The following NRDE2 variants were observed in gnomAD, a reference collection of about 807,000 sequenced individuals.
NRDE2 encodes NRDE-2, necessary for RNA interference, domain containing, also known as nuclear exosome regulator NRDE2.
In NRDE2, 76 loss-of-function variants were observed where a neutral mutation model predicts 124.2. The observed-to-expected ratio is 0.61, with a 90% CI of 0.51 to 0.74. The LOEUF is 0.74. NRDE2 is among the 30% of genes least tolerant of loss of function. NRDE2 has a pLI of 0.00. For missense variants in NRDE2, 1,314 were observed against 1,417.3 expected (o/e 0.93, Z 1.17); for synonymous variants, 489 against 528.1 (o/e 0.93, Z 1.01).
intron 3 of NRDE2, among the ~76,000 whole-genome samples, chr14:90,313,657 A>G (rs1427931032): frequency 1.3e-5 from 2 of 152,146 alleles, no homozygotes; most frequent in Admixed American, 6.6e-5. Flanking sequence ...TTCTTCCTCT[A>G]AAGAAAATCA....
Position 90,273,837 on chromosome 14 carries a change from A to AT in NRDE2, c.*4498dup, listed in dbSNP as rs889196777. Reference sequence around the variant, plus strand: ...CCTCCCTCCTGACTCGTGGCACTTCATTTTCCACCAGCAGCAGCAGGCCCA... The same window carrying AT: ...CCTCCCTCCTGACTCGTGGCACTTCATTTTTCCACCAGCAGCAGCAGGCCCA... On this transcript the variant is annotated 3_prime_UTR_variant, in exon 14 of 14. Transcript: ENST00000354366. The AT allele has an allele frequency of 1.9e-5, 3 of 154,730 alleles. No homozygotes were observed. The highest frequency in any genetic ancestry group is 5.1e-4 in the Middle Eastern group (1 of 1,948). 9.6% of individuals were successfully genotyped at this position (154,730 alleles called of 1,614,324 possible). A position where few individuals can be genotyped will look rare whatever the true frequency, so the allele number is the denominator to read the frequency against.
chr14:90,279,296 AG>A (rs1268267385), intron 12 of NRDE2, 163 bp from the exon 13 acceptor site: 23 of 619,900 alleles, frequency 3.7e-5, no homozygotes, highest in South Asian at 3.4e-4. Context: ...GGCAGGTGCC[AG>A]GGAGCACTCT....
At position 90,298,281 on chromosome 14, in the gene NRDE2, C is replaced by G; in HGVS notation, c.1645G>C (p.Gly549Arg). 6.2e-7 allele frequency: 1 copy of G among 1,613,622 alleles called. No homozygotes were observed. Among genetic ancestry groups the G allele is most frequent in the Non-Finnish European group, 8.5e-7 (1 of 1,179,954 alleles). ...TTACCTGGGTTGATGACCACCCAGC[C>G]ACCTCGTTCCTGCTGGTGCATCCAC... ...KAWMHQQERGGWVVINPDEDD... is the reference protein window; with the variant it reads ...KAWMHQQERGRWVVINPDEDD... Residue 549 changes from glycine (G) to arginine (R), a missense_variant, in exon 8 of 14, where the codon GGC (glycine) becomes CGC (arginine). By Grantham distance (125) the Gly-to-Arg change is moderately radical. Transcript: ENST00000354366.
rs116980182 is a variant in NRDE2 at position 90,286,410 on chromosome 14, G to A, written c.3241C>T (p.Arg1081Cys). The A allele has an allele frequency of 0.039, 63,035 of 1,614,042 alleles. 1,499 individuals are homozygous for A. The highest frequency in any genetic ancestry group is 0.044 in the Non-Finnish European group (52,107 of 1,179,956). ...GGGCACTGGCTGCCACTGTCGCTGCGCATGGCATTTTCAAACAGGGCTTGG... is the reference window on the plus strand; with the variant it reads ...GGGCACTGGCTGCCACTGTCGCTGCACATGGCATTTTCAAACAGGGCTTGG... ...RIQALFENAM[R>C]SDSGSQCPLL... Residue 1081 changes from arginine (R) to cysteine (C), a missense_variant, in exon 12 of 14, where the codon CGC (arginine) becomes TGC (cysteine). Transcript: ENST00000354366.
intron 9 of NRDE2, among the ~76,000 whole-genome samples, chr14:90,290,846 A>ATTTC (rs1354687213): frequency 6.8e-6 from 1 of 148,134 alleles, no homozygotes; most frequent in African/African-American, 2.5e-5. Flanking sequence ...CACATGGGAA[A>ATTTC]GCCTGAGGAG....
Position 90,302,896 on chromosome 14 carries a change from G to A in NRDE2, c.1235C>T (p.Pro412Leu). ...TTTCTGCCAAAGGGCTGTATTATTG[G>A]GATGCAAAAATATCAGTTTCTGCCA... ...KEWQKLIFLH[P>L]NNTALWQKYL... The change falls in exon 6 of 14, where the codon CCC becomes CTC. Residue 412 changes from proline (P) to leucine (L), a missense_variant. Transcript: ENST00000354366. The A allele has an allele frequency of 6.2e-7, 1 of 1,614,042 alleles. No homozygotes were observed. Among genetic ancestry groups the A allele is most frequent in the South Asian group, 1.1e-5 (1 of 91,072 alleles).
chr14:90,306,891 T>C (rs904278217), intron 4 of NRDE2, among the ~76,000 whole-genome samples: 2 of 152,186 alleles, frequency 1.3e-5, no homozygotes, highest in Non-Finnish European at 2.9e-5. Context: ...AAAAAGCTAG[T>C]TTTGTTCTCC....
rs568184882 is a variant in NRDE2 at position 90,310,458 on chromosome 14, G to A, written c.557+1936C>T. Among the ~76,000 whole-genome samples, 543 of 151,490 alleles carry A rather than the reference G, an allele frequency of 3.6e-3. 5 individuals carry two copies. Among genetic ancestry groups the A allele is most frequent in the Non-Finnish European group, 5.2e-3 (355 of 67,980 alleles). On this transcript the variant is annotated intron_variant, in intron 4 of 13. Coordinates refer to ENST00000354366, the MANE Select transcript of NRDE2 (RefSeq NM_017970.4). ...GTGAGGATCAGACAGGCTAACTTAA[G>A]TGAAATAACGCACACAGCACCACAG...
chr14:90,315,325 C>T (rs1342741873), intron 3 of NRDE2, among the ~76,000 whole-genome samples: 1 of 151,288 alleles, frequency 6.6e-6, no homozygotes, highest in Non-Finnish European at 1.5e-5. Context: ...GAGGCAAGAT[C>T]GTACCACTGC....
At chr14:90,300,932 ACAGG>A (rs1177031981) in intron 7 of NRDE2, among the ~76,000 whole-genome samples, 69 of 125,388 alleles carry the variant, frequency 5.5e-4, no homozygotes, top group Non-Finnish European at 6.3e-4. Flanking sequence ...AAGGAGGAAC[ACAGG>A]CAGGCAGGCA....
At chr14:90,291,624 T>A (rs1892273390) in intron 9 of NRDE2, among the ~76,000 whole-genome samples, 1 of 152,074 alleles carries the variant, frequency 6.6e-6, no homozygotes, top group Non-Finnish European at 1.5e-5. Context: ...GCCTCCCAGG[T>A]AAGTACCCTC....
chr14:90,284,234 T>C (rs1203955795), intron 12 of NRDE2, among the ~76,000 whole-genome samples: 1 of 152,148 alleles, frequency 6.6e-6, no homozygotes, highest in Admixed American at 6.5e-5. Flanking sequence ...TCTGTATCTC[T>C]TTACACTCCA....
intron 5 of NRDE2, 40 bp downstream of exon 5, chr14:90,303,895 T>A: frequency 6.5e-7 from 1 of 1,534,014 alleles, no homozygotes; most frequent in Non-Finnish European, 8.8e-7. Context: ...AAATCAGGAA[T>A]GTCCTTCTAA....
At chr14:90,284,963 T>A (rs1892059350) in intron 12 of NRDE2, among the ~76,000 whole-genome samples, 2 of 152,100 alleles carry the variant, frequency 1.3e-5, no homozygotes, top group Non-Finnish European at 2.9e-5. Context: ...TACTTTTAAA[T>A]GAACACAAAG....
Position 90,269,131 on chromosome 14 carries a change from C to T in NRDE2, c.*9205G>A. The T allele has an allele frequency of 4.9e-6, 2 of 411,136 alleles. No homozygotes were observed. The highest frequency in any genetic ancestry group is 7.3e-5 in the South Asian group (2 of 27,294). 25.5% of individuals were successfully genotyped at this position (411,136 alleles called of 1,614,324 possible). A position where few individuals can be genotyped will look rare whatever the true frequency, so the allele number is the denominator to read the frequency against. On this transcript the variant is annotated 3_prime_UTR_variant, in exon 14 of 14. Coordinates refer to ENST00000354366, the MANE Select transcript of NRDE2 (RefSeq NM_017970.4). The stretch of plus-strand genomic sequence containing the variant: ...GAACTCATGCTGTATAAGGCTCTGC[C>T]TCATGCCTTTAGCCCTTTCCAAAAG...
intron 1 of NRDE2, among the ~76,000 whole-genome samples, chr14:90,324,720 T>G (rs2139715953): frequency 6.6e-6 from 1 of 151,594 alleles, no homozygotes; most frequent in Admixed American, 6.6e-5. Flanking sequence ...CTAAATTGTG[T>G]GAGTTCAAAT....
chr14:90,314,442 T>C (rs1417380258), intron 3 of NRDE2, among the ~76,000 whole-genome samples: 1 of 152,184 alleles, frequency 6.6e-6, no homozygotes, highest in Non-Finnish European at 1.5e-5. Context: ...TTCTATAAAA[T>C]ATCAATAAAC....
intron 1 of NRDE2, among the ~76,000 whole-genome samples, chr14:90,320,619 A>G (rs945463467): frequency 6.6e-6 from 1 of 152,226 alleles, no homozygotes; most frequent in Non-Finnish European, 1.5e-5. Flanking sequence ...ACTGGCTTAT[A>G]GTAAGTGTTC....
intron 3 of NRDE2, 39 bp from the exon 4 acceptor site, chr14:90,312,582 T>C (rs375525598): frequency 2.0e-4 from 315 of 1,609,786 alleles, no homozygotes; most frequent in Non-Finnish European, 2.4e-4. Context: ...AGAGGCACTT[T>C]AAAAAATCTT....
Sources: allele counts gnomAD v4.1 joint callset (sites outside exome capture counted in the v4.1 genomes callset), GRCh38; gene constraint gnomAD v4.1.1; transcripts MANE v1.5; gene names NCBI Gene and HGNC (gene_info 2026-07-23, HGNC 2026-07-21).